Variants in KCNQ5 observed in about 807,000 individuals in gnomAD.
KCNQ5 encodes potassium voltage-gated channel subfamily Q member 5, also known as potassium voltage-gated channel subfamily KQT member 5.
In KCNQ5, 30 loss-of-function variants were observed where a neutral mutation model predicts 98.2. That is an observed-to-expected ratio of 0.31 (90% CI 0.23 to 0.41). KCNQ5 has a LOEUF of 0.41. Among genes scored for constraint, KCNQ5 ranks in the 10% least tolerant of loss-of-function variants. The pLI is 1.00. For missense variants in KCNQ5, 835 were observed against 1,182.5 expected, an observed-to-expected ratio of 0.71 and a Z score of 4.31; for synonymous variants, 458 against 449.4, an observed-to-expected ratio of 1.02 and a Z score of -0.24.
intron 10 of KCNQ5, among the ~76,000 whole-genome samples, chr6:73,165,697 C>A (rs1366956959): frequency 6.6e-6 from 1 of 152,114 alleles, no homozygotes; most frequent in African/African-American, 2.4e-5. Context: ...GTAATCCCAG[C>A]ACTTTGGGAG....
chr6:72,855,914 T>C (rs1237784126), intron 1 of KCNQ5, among the ~76,000 whole-genome samples: 1 of 152,212 alleles, frequency 6.6e-6, no homozygotes, highest in Non-Finnish European at 1.5e-5. Context: ...AACCAAGAAG[T>C]TGAATATGGG....
intron 1 of KCNQ5, among the ~76,000 whole-genome samples, chr6:72,669,872 T>G (rs1767010762): frequency 6.6e-6 from 1 of 152,100 alleles, no homozygotes; most frequent in Non-Finnish European, 1.5e-5. Context: ...CCTTAATGCT[T>G]AGTTGCTTAG....
chr6:72,846,530 T>A (rs1279420091), intron 1 of KCNQ5, among the ~76,000 whole-genome samples: 8 of 145,536 alleles, frequency 5.5e-5, no homozygotes, highest in South Asian at 2.1e-4. Context: ...AAAAAAAAAA[T>A]AGCCAGGCAA....
chr6:73,032,492 A>G (rs1205116615), intron 2 of KCNQ5, among the ~76,000 whole-genome samples: 1 of 152,166 alleles, frequency 6.6e-6, no homozygotes, highest in Admixed American at 6.5e-5. Flanking sequence ...AGAGGAAGAA[A>G]AGCCTATAGA....
At chr6:73,112,434 C>T (rs1562185977) in intron 7 of KCNQ5, among the ~76,000 whole-genome samples, 1 of 151,888 alleles carries the variant, frequency 6.6e-6, no homozygotes, top group African/African-American at 2.4e-5. Context: ...CAAGCTCCGC[C>T]TCCTGGGTTC....
intron 1 of KCNQ5, among the ~76,000 whole-genome samples, chr6:72,981,132 G>A (rs1333261569): frequency 2.0e-5 from 3 of 151,988 alleles, no homozygotes; most frequent in Admixed American, 2.0e-4. Context: ...TTTTTGTTGT[G>A]TCTCTGCCAG....
chr6:72,866,204 C>T (rs1777973704), intron 1 of KCNQ5, among the ~76,000 whole-genome samples: 1 of 151,538 alleles, frequency 6.6e-6, no homozygotes, highest in Admixed American at 6.6e-5. Flanking sequence ...TATTATGTCC[C>T]CTCAGAATTT....
intron 1 of KCNQ5, among the ~76,000 whole-genome samples, chr6:72,623,378 C>T (rs2098916477): frequency 9.7e-6 from 1 of 102,624 alleles, no homozygotes; most frequent in Admixed American, 9.4e-5. Context: ...CCGTTTGTGG[C>T]GCGGAGTCAA....
chr6:73,092,922 T>A (rs997350714), intron 5 of KCNQ5, among the ~76,000 whole-genome samples: 1 of 152,184 alleles, frequency 6.6e-6, no homozygotes, highest in Non-Finnish European at 1.5e-5. Flanking sequence ...GATACTGGCT[T>A]CATAGAATGA....
chr6:72,708,040 G>C (rs1283447958), intron 1 of KCNQ5, among the ~76,000 whole-genome samples: 6 of 152,116 alleles, frequency 3.9e-5, no homozygotes, highest in Admixed American at 3.9e-4. Context: ...GCTATCCAGG[G>C]CAAAACAGAG....
intron 1 of KCNQ5, among the ~76,000 whole-genome samples, chr6:72,968,369 T>C (rs1434916586): frequency 6.6e-6 from 1 of 151,706 alleles, no homozygotes; most frequent in African/African-American, 2.4e-5. Flanking sequence ...GTACTGAAAG[T>C]GTAGAGAAGA....
At chr6:72,891,914 T>C (rs1779072345) in intron 1 of KCNQ5, among the ~76,000 whole-genome samples, 1 of 152,158 alleles carries the variant, frequency 6.6e-6, no homozygotes, top group African/African-American at 2.4e-5. Flanking sequence ...TCTCAGATCT[T>C]GGATTATAGT....
chr6:73,013,258 A>T (rs1025326773), intron 2 of KCNQ5, among the ~76,000 whole-genome samples: 2 of 152,230 alleles, frequency 1.3e-5, no homozygotes, highest in Middle Eastern at 3.4e-3. Flanking sequence ...AACTGATTTC[A>T]ATTGTTGAAG....
chr6:73,173,238 C>T (rs1029300084), intron 11 of KCNQ5, among the ~76,000 whole-genome samples: 3 of 152,158 alleles, frequency 2.0e-5, no homozygotes, highest in African/African-American at 7.2e-5. Context: ...AATGTGTTTT[C>T]AAACTCACCT....
chr6:72,736,498 A>ATTTTTTTTT (rs556225458), intron 1 of KCNQ5, among the ~76,000 whole-genome samples: 20 of 112,672 alleles, frequency 1.8e-4, no homozygotes, highest in Middle Eastern at 4.2e-3. Context: ...GTAAAAAAAG[A>ATTTTTTTTT]TTTCTTTTTT....
In KCNQ5 at chr6:72,765,263, G is replaced by T. The variant is rs577440828; in HGVS notation, c.398+142676G>T. 1.3e-4 allele frequency among the ~76,000 whole-genome samples: 19 copies of T among 151,970 alleles called. No homozygotes were observed. The South Asian group carries it at 4.0e-3, about 32-fold the overall frequency. On this transcript the variant is annotated intron_variant, in intron 1 of 13. Coordinates refer to ENST00000370398, the MANE Select transcript of KCNQ5 (RefSeq NM_019842.4). The stretch of plus-strand genomic sequence containing the variant: ...ACAGTGTACAAGTGTTCCCTTTTCT[G>T]TACATTCTTGCCAGCATGATCCCTT...
intron 1 of KCNQ5, among the ~76,000 whole-genome samples, chr6:72,889,137 G>A (rs7764198): frequency 0.044 from 6,668 of 152,204 alleles, 411 homozygotes; most frequent in African/African-American, 0.14. Flanking sequence ...CCTTGCTAAG[G>A]AAATATCTGA....
At chr6:72,922,810 C>CTTTTTCTTTTTTTT (rs1554186016) in intron 1 of KCNQ5, among the ~76,000 whole-genome samples, 44 of 103,856 alleles carry the variant, frequency 4.2e-4, no homozygotes, top group Non-Finnish European at 6.0e-4. Flanking sequence ...TTTTCTTTTT[C>CTTTTTCTTTTTTTT]TTTTTTTTTT....
chr6:73,195,532 C>A lies in KCNQ5; in HGVS notation c.*118C>A. ...CAAGAATCGGGAAGAACATGAAAGG[C>A]AGTTTATAAGCCCGTTACCTTTTAA... is the stretch of plus-strand genomic sequence containing the variant. On this transcript the variant is annotated 3_prime_UTR_variant, in exon 14 of 14. Coordinates refer to ENST00000370398, the MANE Select transcript of KCNQ5 (RefSeq NM_019842.4). 1 of 1,299,634 alleles carries A rather than the reference C, an allele frequency of 7.7e-7. No individual in the cohort carries two copies. The highest frequency in any genetic ancestry group is 1.1e-6 in the Non-Finnish European group (1 of 949,716). 80.5% of individuals were successfully genotyped at this position (1,299,634 alleles called of 1,614,324 possible). A position where few individuals can be genotyped will look rare whatever the true frequency, so the allele number is the denominator to read the frequency against.
Sources: allele counts gnomAD v4.1 joint callset (sites outside exome capture counted in the v4.1 genomes callset), GRCh38; gene constraint gnomAD v4.1.1; transcripts MANE v1.5; gene names NCBI Gene and HGNC (gene_info 2026-07-23, HGNC 2026-07-21).